Variants in CALN1 observed in about 807,000 individuals in gnomAD.
CALN1 encodes calcium-binding protein 8.
In CALN1, 17 loss-of-function variants were observed where a neutral mutation model predicts 30.6. The observed-to-expected ratio is 0.56, with a 90% CI of 0.38 to 0.83. The LOEUF (loss-of-function observed/expected upper bound fraction) is 0.83, where lower values mean the gene tolerates loss of function less well. Among genes scored for constraint, CALN1 ranks in the 40% least tolerant of loss-of-function variants. The pLI is 0.00. For missense variants in CALN1, 291 were observed against 354.9 expected, an observed-to-expected ratio of 0.82 and a Z score of 1.45; for synonymous variants, 156 against 131.4, an observed-to-expected ratio of 1.19 and a Z score of -1.28.
At chr7:71,862,576 ATGAAT>A (rs1230397831) in intron 5 of CALN1, among the ~76,000 whole-genome samples, 1 of 152,094 alleles carries the variant, frequency 6.6e-6, no homozygotes, top group African/African-American at 2.4e-5. Context: ...TCTTTCTTTT[ATGAAT>A]TACCCAGTCT....
intron 5 of CALN1, among the ~76,000 whole-genome samples, chr7:72,013,271 T>TG (rs1800193770): frequency 7.1e-6 from 1 of 139,924 alleles, no homozygotes; most frequent in Admixed American, 7.1e-5. Flanking sequence ...TTTTTTTTTT[T>TG]GAGACAGGAT....
At chr7:71,893,280 C>A (rs1043003678) in intron 5 of CALN1, among the ~76,000 whole-genome samples, 4 of 152,060 alleles carry the variant, frequency 2.6e-5, no homozygotes, top group African/African-American at 9.7e-5. Flanking sequence ...CTGCTAAACA[C>A]CCTGTGATGC....
At chr7:71,925,288 A>G (rs974942046) in intron 5 of CALN1, among the ~76,000 whole-genome samples, 4 of 150,502 alleles carry the variant, frequency 2.7e-5, no homozygotes, top group African/African-American at 1.0e-4. Flanking sequence ...AGCAAGCAAG[A>G]AAAGAAAAGA....
intron 3 of CALN1, among the ~76,000 whole-genome samples, chr7:72,156,693 C>A (rs1169971629): frequency 6.6e-6 from 1 of 152,206 alleles, no homozygotes; most frequent in East Asian, 1.9e-4. Flanking sequence ...GACATAAGCG[C>A]CCTACTGGGG....
rs1177797444 is a variant in CALN1, at chr7:71,785,354, C to T, written c.*2421G>A. The T allele has an allele frequency of 6.5e-6, 1 of 152,866 alleles. No homozygotes were observed. The highest frequency in any genetic ancestry group is 2.4e-5 in the African/African-American group (1 of 41,464). 9.5% of individuals were successfully genotyped at this position (152,866 alleles called of 1,614,324 possible). A position where few individuals can be genotyped will look rare whatever the true frequency, so the allele number is the denominator to read the frequency against. On this transcript the variant is annotated 3_prime_UTR_variant, in exon 7 of 7. Coordinates refer to ENST00000395275, the MANE Select transcript of CALN1 (RefSeq NM_031468.4). Reference sequence around the variant, plus strand: ...TCCAGAACTCCTTTTCCTCCCTACTCCTGCACAGTGGCTAATCTCTCTGCC... The same window carrying T: ...TCCAGAACTCCTTTTCCTCCCTACTTCTGCACAGTGGCTAATCTCTCTGCC...
intron 3 of CALN1, among the ~76,000 whole-genome samples, chr7:72,149,069 T>C (rs1787009549): frequency 6.6e-6 from 1 of 152,132 alleles, no homozygotes; most frequent in Non-Finnish European, 1.5e-5. Flanking sequence ...TATGCTGGTT[T>C]CCCTTCACCT....
At chr7:71,968,637 C>T (rs1797643133) in intron 5 of CALN1, among the ~76,000 whole-genome samples, 1 of 152,114 alleles carries the variant, frequency 6.6e-6, no homozygotes, top group South Asian at 2.1e-4. Flanking sequence ...CCATCTCCGC[C>T]TCCCAAAGTG....
the CALN1 span, among the ~76,000 whole-genome samples, chr7:72,478,648 T>C: frequency 6.6e-6 from 1 of 151,860 alleles, no homozygotes; most frequent in Non-Finnish European, 1.5e-5. Context: ...GTAAGGTGTA[T>C]CAGTCTGTAC....
At chr7:71,976,261 C>T (rs867858548) in intron 5 of CALN1, among the ~76,000 whole-genome samples, 1 of 152,104 alleles carries the variant, frequency 6.6e-6, no homozygotes, top group Non-Finnish European at 1.5e-5. Flanking sequence ...TGATGAATCA[C>T]GTAACATCCC....
chr7:72,458,189 ATAT>A, the CALN1 span, among the ~76,000 whole-genome samples: 1 of 124,226 alleles, frequency 8.0e-6, no homozygotes, highest in African/African-American at 3.0e-5. Context: ...TATATTTAAT[ATAT>A]TATAATATAT....
At chr7:71,879,809 G>C (rs1464405291) in intron 5 of CALN1, among the ~76,000 whole-genome samples, 1 of 152,312 alleles carries the variant, frequency 6.6e-6, no homozygotes, top group East Asian at 1.9e-4. Flanking sequence ...GAGATGGAAA[G>C]AGGCTCCTCA....
intron 4 of CALN1, among the ~76,000 whole-genome samples, chr7:72,091,056 G>T (rs564004666): frequency 1.3e-5 from 2 of 152,220 alleles, no homozygotes; most frequent in African/African-American, 2.4e-5. Context: ...GGCAGGGCGC[G>T]GTGGCTCATG....
intron 5 of CALN1, among the ~76,000 whole-genome samples, chr7:71,866,779 T>C (rs555794181): frequency 6.6e-6 from 1 of 152,170 alleles, no homozygotes; most frequent in South Asian, 2.1e-4. Flanking sequence ...TATAGTAGAG[T>C]TATGAAATAG....
the CALN1 span, among the ~76,000 whole-genome samples, chr7:72,467,832 A>T: frequency 6.6e-6 from 1 of 152,236 alleles, no homozygotes; most frequent in Admixed American, 6.5e-5. Context: ...AAAACATTGC[A>T]TCGCCACAAA....
At chr7:72,193,412 T>TA (rs1366916975) in intron 3 of CALN1, among the ~76,000 whole-genome samples, 1 of 152,064 alleles carries the variant, frequency 6.6e-6, no homozygotes, top group South Asian at 2.1e-4. Context: ...TTGAAAATAA[T>TA]AAAGAATTCA....
At chr7:71,917,004 T>G (rs572306593) in intron 5 of CALN1, among the ~76,000 whole-genome samples, 1 of 152,136 alleles carries the variant, frequency 6.6e-6, no homozygotes, top group African/African-American at 2.4e-5. Context: ...TTCCACCTTA[T>G]AGCTCACAGA....
intron 5 of CALN1, among the ~76,000 whole-genome samples, chr7:71,886,208 C>T (rs542626371): frequency 3.9e-5 from 6 of 152,368 alleles, no homozygotes; most frequent in South Asian, 4.1e-4. Context: ...CTTGCCCCAC[C>T]GCCGCAAGGC....
chr7:72,304,590 G>GC (rs1799521333), intron 2 of CALN1, among the ~76,000 whole-genome samples: 1 of 151,636 alleles, frequency 6.6e-6, no homozygotes, highest in Non-Finnish European at 1.5e-5. Context: ...CCTCTGACAT[G>GC]GGGGGGGTAT....
At chr7:72,153,273 C>T (rs551717266) in intron 3 of CALN1, among the ~76,000 whole-genome samples, 2 of 152,282 alleles carry the variant, frequency 1.3e-5, no homozygotes, top group South Asian at 2.1e-4. Context: ...AATATGCCCA[C>T]TGTTCCAGTA....
Sources: gnomAD v4.1 joint callset for allele counts (sites outside exome capture counted in the v4.1 genomes callset) on GRCh38, gnomAD v4.1.1 for gene constraint, MANE v1.5 for transcripts, NCBI Gene and HGNC (gene_info 2026-07-23, HGNC 2026-07-21) for gene names.